LUZP2: variants seen among roughly 807,000 people sequenced by gnomAD.
The protein encoded by LUZP2 is leucine zipper protein 2.
In LUZP2, 52 loss-of-function variants were observed where a neutral mutation model predicts 51.6. That is an observed-to-expected ratio of 1.01 (90% CI 0.81 to 1.27). The LOEUF (loss-of-function observed/expected upper bound fraction) is 1.27, where lower values mean the gene tolerates loss of function less well. Among genes scored for constraint, LUZP2 ranks in the 50% most tolerant of loss-of-function variants. The pLI, the probability that LUZP2 is intolerant of heterozygous loss-of-function variation, is 0.00. For synonymous variants in LUZP2, 154 were observed against 137.3 expected (o/e 1.12, Z -0.85); for missense variants, 436 against 395.4 (o/e 1.10, Z -0.87).
intron 11 of LUZP2, 48 bp downstream of exon 11, chr11:25,077,454 C>A (rs765471463): frequency 1.1e-6 from 1 of 890,888 alleles, no homozygotes; most frequent in Non-Finnish European, 1.7e-6. Flanking sequence ...TTTATTGGAT[C>A]CATTGTATTT....
chr11:24,585,310 C>G (rs956653546), intron 1 of LUZP2, among the ~76,000 whole-genome samples: 1 of 152,158 alleles, frequency 6.6e-6, no homozygotes, highest in Non-Finnish European at 1.5e-5. Flanking sequence ...AAGCATACAT[C>G]CTATGAAACT....
At chr11:24,641,059 A>C (rs887839191) in intron 1 of LUZP2, among the ~76,000 whole-genome samples, 1 of 151,422 alleles carries the variant, frequency 6.6e-6, no homozygotes, top group Non-Finnish European at 1.5e-5. Flanking sequence ...GAGTACAGGT[A>C]TGTGCCACCA....
intron 7 of LUZP2, among the ~76,000 whole-genome samples, chr11:24,960,063 T>C (rs976769880): frequency 4.6e-5 from 7 of 152,122 alleles, no homozygotes; most frequent in African/African-American, 1.4e-4. Flanking sequence ...TATTGATTTG[T>C]GTATATTGAA....
At chr11:25,024,853 T>A (rs79955523) in intron 9 of LUZP2, among the ~76,000 whole-genome samples, 78,382 of 139,298 alleles carry the variant, frequency 0.56, 23,398 homozygotes, top group African/African-American at 0.74. Context: ...TCCTAAGCCA[T>A]AAGAACAAAG....
intron 5 of LUZP2, among the ~76,000 whole-genome samples, chr11:24,849,311 T>C (rs1374580381): frequency 6.6e-6 from 1 of 152,098 alleles, no homozygotes; most frequent in South Asian, 2.1e-4. Flanking sequence ...CCCCGGTGTG[T>C]GATGTTCCCC....
chr11:24,985,897 C>G (rs564334646), intron 9 of LUZP2, among the ~76,000 whole-genome samples: 4 of 151,524 alleles, frequency 2.6e-5, no homozygotes, highest in Non-Finnish European at 5.9e-5. Flanking sequence ...AATAAAATTA[C>G]CTGAAGAGAC....
At chr11:24,642,483 A>T (rs1855324123) in intron 1 of LUZP2, among the ~76,000 whole-genome samples, 1 of 151,840 alleles carries the variant, frequency 6.6e-6, no homozygotes, top group Non-Finnish European at 1.5e-5. Context: ...AAACTTCCCA[A>T]TACATTTTTA....
intron 4 of LUZP2, among the ~76,000 whole-genome samples, chr11:24,761,456 A>C (rs890224229): frequency 3.9e-5 from 6 of 152,192 alleles, no homozygotes; most frequent in African/African-American, 1.4e-4. Context: ...TCAACATGAG[A>C]TTAGGGTGGG....
intron 5 of LUZP2, among the ~76,000 whole-genome samples, chr11:24,799,502 G>C (rs1334453960): frequency 2.0e-5 from 3 of 151,890 alleles, no homozygotes; most frequent in Non-Finnish European, 4.4e-5. Flanking sequence ...GGCTGAGGCA[G>C]GAGAATCGAA....
intron 10 of LUZP2, among the ~76,000 whole-genome samples, chr11:25,064,332 G>A (rs1374282696): frequency 2.0e-5 from 3 of 151,934 alleles, no homozygotes; most frequent in Non-Finnish European, 2.9e-5. Context: ...ATTAAATTAT[G>A]TATCTACTGC....
intron 9 of LUZP2, among the ~76,000 whole-genome samples, chr11:25,027,611 C>T (rs1280414414): frequency 6.6e-6 from 1 of 152,030 alleles, no homozygotes; most frequent in Non-Finnish European, 1.5e-5. Flanking sequence ...GTGGCTCATG[C>T]CTGTAATCCC....
intron 1 of LUZP2, among the ~76,000 whole-genome samples, chr11:24,524,069 A>C (rs1850723767): frequency 6.6e-6 from 1 of 151,792 alleles, no homozygotes; most frequent in South Asian, 2.1e-4. Flanking sequence ...ATATGGAATA[A>C]GAGTCTAGTC....
intron 9 of LUZP2, among the ~76,000 whole-genome samples, chr11:25,002,096 G>A (rs1856698972): frequency 6.6e-6 from 1 of 152,216 alleles, no homozygotes; most frequent in Non-Finnish European, 1.5e-5. Context: ...GATTAGATAA[G>A]CATACTTTCT....
intron 1 of LUZP2, among the ~76,000 whole-genome samples, chr11:24,658,388 C>A (rs1393247000): frequency 2.0e-5 from 3 of 152,186 alleles, no homozygotes; most frequent in Non-Finnish European, 4.4e-5. Flanking sequence ...AAAGCTGAAA[C>A]TGGATCCCTT....
chr11:24,849,592 G>C (rs565891810), intron 5 of LUZP2, among the ~76,000 whole-genome samples: 2 of 152,276 alleles, frequency 1.3e-5, no homozygotes, highest in East Asian at 3.9e-4. Context: ...ACATACGTGT[G>C]CATGTTTCTT....
intron 7 of LUZP2, among the ~76,000 whole-genome samples, chr11:24,953,044 T>C (rs947110119): frequency 1.3e-5 from 2 of 151,868 alleles, no homozygotes; most frequent in Non-Finnish European, 2.9e-5. Flanking sequence ...TGTCGAGAAA[T>C]AGACTACAGA....
intron 1 of LUZP2, among the ~76,000 whole-genome samples, chr11:24,632,658 T>C (rs572189483): frequency 2.6e-4 from 40 of 152,108 alleles, no homozygotes; most frequent in African/African-American, 9.4e-4. Context: ...ACATTTAAAA[T>C]AGACGTGCTC....
rs967188897 is a variant in LUZP2 at position 24,964,516 on chromosome 11, G to A, written c.523-12075G>A. On this transcript the variant is annotated intron_variant, in intron 7 of 11. Coordinates refer to ENST00000336930, the MANE Select transcript of LUZP2 (RefSeq NM_001009909.4). ...GTTTACAGGACCACATCTCATCCAGGATTTTAAAAGATGCATATGTATATT... is the reference window on the plus strand; with the variant it reads ...GTTTACAGGACCACATCTCATCCAGAATTTTAAAAGATGCATATGTATATT... Among the ~76,000 whole-genome samples, 4 of 152,000 alleles carry A rather than the reference G, an allele frequency of 2.6e-5. No homozygotes were observed. In the South Asian group the frequency reaches 8.3e-4, roughly 32 times the overall value.
intron 5 of LUZP2, among the ~76,000 whole-genome samples, chr11:24,782,579 C>A (rs1366538702): frequency 6.6e-6 from 1 of 151,900 alleles, no homozygotes; most frequent in Non-Finnish European, 1.5e-5. Flanking sequence ...CCCTGCTATA[C>A]AACTGTCTTG....
Sources: gnomAD v4.1 joint callset for allele counts (sites outside exome capture counted in the v4.1 genomes callset) on GRCh38, gnomAD v4.1.1 for gene constraint, MANE v1.5 for transcripts, NCBI Gene and HGNC (gene_info 2026-07-23, HGNC 2026-07-21) for gene names.